The following HAUS2 variants were observed in gnomAD, a reference collection of about 807,000 sequenced individuals.
HAUS2 encodes HAUS augmin-like complex subunit 2.
Under a neutral mutation model 21.6 loss-of-function variants are expected in HAUS2, and 20 were observed. The ratio of observed to expected loss-of-function variants is 0.93; its 90% CI spans 0.65 to 1.35. The LOEUF (loss-of-function observed/expected upper bound fraction) is 1.35. Among genes scored for constraint, HAUS2 ranks in the 40% most tolerant of loss-of-function variants. The pLI, the probability that HAUS2 is intolerant of heterozygous loss-of-function variation, is 0.00. For missense variants in HAUS2, 297 were observed against 280.7 expected, an observed-to-expected ratio of 1.06 and a Z score of -0.42; for synonymous variants, 113 against 95.6, an observed-to-expected ratio of 1.18 and a Z score of -1.06.
intron 3 of HAUS2, among the ~76,000 whole-genome samples, chr15:42,560,177 G>T (rs189866328): frequency 1.0e-3 from 152 of 152,242 alleles, no homozygotes; most frequent in African/African-American, 3.5e-3. Flanking sequence ...TCTTTTTGCT[G>T]TAAAGGACAT....
Position 42,557,777 on chromosome 15 carries a change from G to A in HAUS2, c.94-421G>A, listed in dbSNP as rs550672941. On this transcript the variant is annotated intron_variant, in intron 1 of 5. Coordinates refer to ENST00000260372, the MANE Select transcript of HAUS2 (RefSeq NM_018097.3). ...TTGTAGGCAACTGAGGTCATTTAAC[G>A]AATCAGATAAATAATTCCATGAAGG... is the stretch of plus-strand genomic sequence containing the variant. 9.2e-4 allele frequency among the ~76,000 whole-genome samples: 130 copies of A among 141,626 alleles called. 5 individuals are homozygous for A. In the South Asian group the frequency reaches 0.028, roughly 30 times the overall value. The allele number at this position is 141,626 out of a possible 152,430, so 92.9% of individuals were successfully genotyped here. A position where few individuals can be genotyped will look rare whatever the true frequency, so the allele number is the denominator to read the frequency against.
intron 2 of HAUS2, among the ~76,000 whole-genome samples, chr15:42,558,549 G>T (rs1020067020): frequency 4.6e-5 from 7 of 151,784 alleles, no homozygotes; most frequent in Non-Finnish European, 1.0e-4. Context: ...GGATGGTCTC[G>T]ATCTCCTGAC....
At chr15:42,561,120 G>A (rs1451701038) in intron 3 of HAUS2, 150 bp from the exon 4 acceptor site, 2 of 567,792 alleles carry the variant, frequency 3.5e-6, no homozygotes, top group Admixed American at 3.2e-5. Flanking sequence ...AAATGAAATT[G>A]GTATTGGTAT....
intron 1 of HAUS2, among the ~76,000 whole-genome samples, chr15:42,550,832 C>G (rs1280027534): frequency 6.6e-6 from 1 of 152,012 alleles, no homozygotes; most frequent in African/African-American, 2.4e-5. Context: ...CCTCACCCGG[C>G]TAATTTTTGT....
chr15:42,563,749 A>C lies in HAUS2; in HGVS notation c.390A>C (p.Arg130Ser). The change falls in exon 5 of 6, where the codon AGA (arginine) becomes AGC (serine). Residue 130 changes from arginine to serine, a missense_variant and splice_region_variant. Arg to Ser is a moderately radical substitution (Grantham distance 110). Coordinates refer to ENST00000260372, the MANE Select transcript of HAUS2 (RefSeq NM_018097.3). ...ENLPIEAVYH[R>S]YMVHLLELAV... ...GTTGACTTTTTTCTTTCTCTTTCAGATATATGGTACATTTGCTGGAGTTGG... is the reference window on the plus strand; with the variant it reads ...GTTGACTTTTTTCTTTCTCTTTCAGCTATATGGTACATTTGCTGGAGTTGG... 6.9e-7 allele frequency: 1 copy of C among 1,450,886 alleles called. No homozygotes were observed. The highest frequency in any genetic ancestry group is 1.7e-4 in the Middle Eastern group (1 of 5,772). The allele number at this position is 1,450,886 out of a possible 1,614,324, so 89.9% of individuals were successfully genotyped here. A position where few individuals can be genotyped will look rare whatever the true frequency, so the allele number is the denominator to read the frequency against.
chr15:42,562,348 C>T (rs1255741499), intron 4 of HAUS2, among the ~76,000 whole-genome samples: 2 of 152,210 alleles, frequency 1.3e-5, no homozygotes. Flanking sequence ...GTAATCCCAA[C>T]ACTTTGGGAG....
intron 1 of HAUS2, among the ~76,000 whole-genome samples, chr15:42,549,795 G>A (rs1595543371): frequency 2.2e-5 from 3 of 137,512 alleles, no homozygotes; most frequent in African/African-American, 8.1e-5. Context: ...AAAAAGTATT[G>A]GCTAAAAAGA....
At chr15:42,552,660 A>G (rs1422823759) in intron 1 of HAUS2, among the ~76,000 whole-genome samples, 7 of 152,130 alleles carry the variant, frequency 4.6e-5, no homozygotes, top group Non-Finnish European at 7.3e-5. Flanking sequence ...TACATTCTAG[A>G]TATTTTTCCA....
chr15:42,553,080 G>A (rs745797157), intron 1 of HAUS2, among the ~76,000 whole-genome samples: 4 of 150,408 alleles, frequency 2.7e-5, no homozygotes, highest in South Asian at 2.1e-4. Context: ...TCCGCCTCCC[G>A]GGTTCAAGCA....
intron 1 of HAUS2, among the ~76,000 whole-genome samples, chr15:42,553,681 G>C (rs1210404220): frequency 6.6e-6 from 1 of 152,014 alleles, no homozygotes; most frequent in Non-Finnish European, 1.5e-5. Flanking sequence ...TCTCTTGCAT[G>C]TTCTTAGCTA....
intron 2 of HAUS2, among the ~76,000 whole-genome samples, chr15:42,558,769 G>C (rs576881335): frequency 6.6e-6 from 1 of 151,960 alleles, no homozygotes; most frequent in African/African-American, 2.4e-5. Context: ...ACCAGTGTGG[G>C]CAACACAGGG....
rs2057935724 is a variant in HAUS2, at chr15:42,569,208, C to G, written c.*2392C>G. 1 of 151,962 alleles carries G rather than the reference C, an allele frequency of 6.6e-6. No homozygotes were observed. Among genetic ancestry groups the G allele is most frequent in the African/African-American group, 2.4e-5 (1 of 41,354 alleles). 9.4% of individuals were successfully genotyped at this position (151,962 alleles called of 1,614,324 possible). ...TCTTTTTAATCAGTATTGTAACTAA[C>G]CTTGGCTTATTTTACTTTTAGACTT... On this transcript the variant is annotated 3_prime_UTR_variant, in exon 6 of 6. Coordinates refer to ENST00000260372, the MANE Select transcript of HAUS2 (RefSeq NM_018097.3).
intron 1 of HAUS2, 101 bp from the exon 2 acceptor site, chr15:42,558,097 A>G: frequency 1.6e-6 from 1 of 636,714 alleles, no homozygotes; most frequent in Non-Finnish European, 2.8e-6. Flanking sequence ...GCAGTGTTGA[A>G]CATAATATTT....
intron 1 of HAUS2, among the ~76,000 whole-genome samples, chr15:42,556,887 G>T (rs1311472223): frequency 1.3e-5 from 2 of 151,562 alleles, no homozygotes; most frequent in Admixed American, 6.6e-5. Flanking sequence ...CATGGTGGCA[G>T]TAATCCCAAA....
Position 42,568,729 on chromosome 15 carries a change from A to G in HAUS2, c.*1913A>G, listed in dbSNP as rs1036743783. The G allele has an allele frequency of 1.3e-5, 2 of 152,208 alleles. No individual in the cohort carries two copies. The highest frequency in any genetic ancestry group is 6.5e-5 in the Admixed American group (1 of 15,282). The allele number at this position is 152,208 out of a possible 1,614,324, so 9.4% of individuals were successfully genotyped here. On this transcript the variant is annotated 3_prime_UTR_variant, in exon 6 of 6. Transcript: ENST00000260372. ...AACCCTGGGCACTGTATCTCTAACA[A>G]GTTTCCCTGGTAAACAACATTTCTC...
chr15:42,566,520 T>C (rs945914563), intron 5 of HAUS2, 87 bp from the exon 6 acceptor site: 31 of 758,508 alleles, frequency 4.1e-5, no homozygotes, highest in Non-Finnish European at 1.4e-5. Flanking sequence ...AAAAAGATCA[T>C]GTGTTAACCT....
chr15:42,550,903 G>A (rs1347610053), intron 1 of HAUS2, among the ~76,000 whole-genome samples: 3 of 151,922 alleles, frequency 2.0e-5, no homozygotes, highest in African/African-American at 4.8e-5. Context: ...TCCTGACCTC[G>A]TGATCTGCCT....
At chr15:42,555,422 G>A (rs2057763161) in intron 1 of HAUS2, among the ~76,000 whole-genome samples, 1 of 152,146 alleles carries the variant, frequency 6.6e-6, no homozygotes, top group African/African-American at 2.4e-5. Flanking sequence ...GAGCCATCAT[G>A]CCAGCCTGTA....
chr15:42,569,213 G>A lies in HAUS2; in HGVS notation c.*2397G>A, dbSNP rs1566838492. 6.6e-6 allele frequency: 1 copy of A among 151,810 alleles called. No individual in the cohort carries two copies. Among genetic ancestry groups the A allele is most frequent in the Non-Finnish European group, 1.5e-5 (1 of 67,966 alleles). The allele number at this position is 151,810 out of a possible 1,614,324, so 9.4% of individuals were successfully genotyped here. A position where few individuals can be genotyped will look rare whatever the true frequency, so the allele number is the denominator to read the frequency against. On this transcript the variant is annotated 3_prime_UTR_variant, in exon 6 of 6. Coordinates refer to ENST00000260372, the MANE Select transcript of HAUS2 (RefSeq NM_018097.3). ...TTAATCAGTATTGTAACTAACCTTG[G>A]CTTATTTTACTTTTAGACTTGGGGT...
Sources: gnomAD v4.1 joint callset for allele counts (sites outside exome capture counted in the v4.1 genomes callset) on GRCh38, gnomAD v4.1.1 for gene constraint, MANE v1.5 for transcripts, NCBI Gene and HGNC (gene_info 2026-07-23, HGNC 2026-07-21) for gene names.